Variants in PFN2 observed in about 807,000 individuals in gnomAD.
PFN2 encodes profilin-2.
In PFN2, 8 loss-of-function variants were observed where a neutral mutation model predicts 15.3. That is an observed-to-expected ratio of 0.52 (90% CI 0.31 to 0.95). PFN2 has a LOEUF of 0.95. Among genes scored for constraint, PFN2 ranks in the 40% least tolerant of loss-of-function variants. The pLI is 0.05. For synonymous variants in PFN2, 79 were observed against 67.9 expected (o/e 1.16, Z -0.81); for missense variants, 111 against 182.3 (o/e 0.61, Z 2.25).
chr3:149,968,944 T>C, intron 1 of PFN2: 1 of 184,282 alleles, frequency 5.4e-6, no homozygotes, highest in Non-Finnish European at 1.1e-5. Context: ...TGAACAAAGC[T>C]GGTCTATCAT....
rs553217598 is a variant in PFN2, at chr3:149,965,422, A to G, written c.*1067T>C. 2.0e-4 allele frequency: 293 copies of G among 1,445,654 alleles called. 1 individual carries two copies. In the South Asian group the frequency reaches 4.3e-3, roughly 21 times the overall value. The allele number at this position is 1,445,654 out of a possible 1,614,324, so 89.6% of individuals were successfully genotyped here. A position where few individuals can be genotyped will look rare whatever the true frequency, so the allele number is the denominator to read the frequency against. On this transcript the variant is annotated 3_prime_UTR_variant, in exon 3 of 3. Coordinates refer to ENST00000239940, the MANE Select transcript of PFN2 (RefSeq NM_053024.4). The stretch of plus-strand genomic sequence containing the variant: ...GGTGTGCAAAGAAAAAGGAAGAAAA[A>G]TCTGAGCTATTGCAATGATGGAATG...
In PFN2 at chr3:149,965,753, C is replaced by G. The variant is rs1722667785; in HGVS notation, c.*736G>C. ...GAAGAGTGAAGGAATGATGCATGCA[C>G]TTTTTCCTCCCAACCATGCGCTACA... On this transcript the variant is annotated 3_prime_UTR_variant, in exon 3 of 3. Transcript: ENST00000239940. 6.7e-6 allele frequency: 7 copies of G among 1,045,198 alleles called. No individual in the cohort carries two copies. In the South Asian group the frequency reaches 2.0e-4, roughly 30 times the overall value. 64.7% of individuals were successfully genotyped at this position (1,045,198 alleles called of 1,614,324 possible). A position where few individuals can be genotyped will look rare whatever the true frequency, so the allele number is the denominator to read the frequency against.
At chr3:149,968,315 G>A (rs777464740) in intron 2 of PFN2, 43 bp downstream of exon 2, 48 of 1,534,842 alleles carry the variant, frequency 3.1e-5, no homozygotes, top group Admixed American at 5.1e-5. Context: ...TTAATAAGTT[G>A]TAATGTGGCA....
In PFN2 at chr3:149,965,839, T is replaced by C. The variant is rs535371397; in HGVS notation, c.*650A>G. 1 of 1,126,288 alleles carries C rather than the reference T, an allele frequency of 8.9e-7. No homozygotes were observed. The highest frequency in any genetic ancestry group is 1.1e-6 in the Non-Finnish European group (1 of 918,808). 69.8% of individuals were successfully genotyped at this position (1,126,288 alleles called of 1,614,324 possible). A position where few individuals can be genotyped will look rare whatever the true frequency, so the allele number is the denominator to read the frequency against. Reference sequence around the variant, plus strand: ...GTGCTGAAAAGACACTGATCAGAGATTGTACAACCGGCACCTTGCTTAATA... The same window carrying C: ...GTGCTGAAAAGACACTGATCAGAGACTGTACAACCGGCACCTTGCTTAATA... On this transcript the variant is annotated 3_prime_UTR_variant, in exon 3 of 3. Coordinates refer to ENST00000239940, the MANE Select transcript of PFN2 (RefSeq NM_053024.4).
intron 1 of PFN2, among the ~76,000 whole-genome samples, chr3:149,969,660 G>C (rs1477629507): frequency 6.6e-6 from 1 of 152,192 alleles, no homozygotes; most frequent in South Asian, 2.1e-4. Flanking sequence ...AATGGAAAGG[G>C]AGCGTGGTGC....
At chr3:149,968,273 T>C in intron 2 of PFN2, 85 bp downstream of exon 2, 3 of 1,276,426 alleles carry the variant, frequency 2.4e-6, no homozygotes, top group Non-Finnish European at 3.4e-6. Context: ...CATTATGGAC[T>C]AACTTTTATT....
In PFN2 at chr3:149,966,464, T is replaced by C; in HGVS notation, c.*25A>G. ...GGAAAGTTTAAGAGCAATTTTCCCC[T>C]AATACTTAACAGTCTGCCTAGCAGC... On this transcript the variant is annotated 3_prime_UTR_variant, in exon 3 of 3. Coordinates refer to ENST00000239940, the MANE Select transcript of PFN2 (RefSeq NM_053024.4). 4 of 1,606,022 alleles carry C rather than the reference T, an allele frequency of 2.5e-6. No homozygotes were observed. The highest frequency in any genetic ancestry group is 3.4e-6 in the Non-Finnish European group (4 of 1,177,636).
At position 149,966,431 on chromosome 3, in the gene PFN2, T is replaced by TA. The variant is rs1365188418; in HGVS notation, c.*57dup. On this transcript the variant is annotated 3_prime_UTR_variant, in exon 3 of 3. Transcript: ENST00000239940. ...AATTTCCAGAATTAAGACTTAAGCT[T>TA]ATAGCTAGGAAAGTTTAAGAGCAAT... 1.9e-5 allele frequency: 31 copies of TA among 1,604,698 alleles called. No homozygotes were observed. The highest frequency in any genetic ancestry group is 2.5e-5 in the Non-Finnish European group (29 of 1,177,138).
At position 149,966,128 on chromosome 3, in the gene PFN2, T is replaced by C. The variant is rs115449265; in HGVS notation, c.*361A>G. ...AGCATTGTGACCATAATTAGGGTTGTTGATGAAGACAGTTGCTAGGTAGAT... is the reference window on the plus strand; with the variant it reads ...AGCATTGTGACCATAATTAGGGTTGCTGATGAAGACAGTTGCTAGGTAGAT... On this transcript the variant is annotated 3_prime_UTR_variant, in exon 3 of 3. Coordinates refer to ENST00000239940, the MANE Select transcript of PFN2 (RefSeq NM_053024.4). 4,384 of 1,599,210 alleles carry C rather than the reference T, an allele frequency of 2.7e-3. 101 individuals carry two copies. In the African/African-American group the frequency reaches 0.052, roughly 19 times the overall value.
chr3:149,965,452 TG>T lies in PFN2; in HGVS notation c.*1036del. 1 of 1,440,216 alleles carries T rather than the reference TG, an allele frequency of 6.9e-7. No homozygotes were observed. The highest frequency in any genetic ancestry group is 9.0e-7 in the Non-Finnish European group (1 of 1,105,204). 89.2% of individuals were successfully genotyped at this position (1,440,216 alleles called of 1,614,324 possible). On this transcript the variant is annotated 3_prime_UTR_variant, in exon 3 of 3. Transcript: ENST00000239940. Reference sequence around the variant, plus strand: ...AGCTATTGCAATGATGGAATGTCCCTGGGGATTCAATCAGTATGGTTACTGT... The same window carrying T: ...AGCTATTGCAATGATGGAATGTCCCTGGGATTCAATCAGTATGGTTACTGT...
rs376406214 is a variant in PFN2, at chr3:149,968,568, GA to G, written c.133-19del. 457 of 1,155,080 alleles carry G rather than the reference GA, an allele frequency of 4.0e-4. No individual in the cohort carries two copies. Among genetic ancestry groups the G allele is most frequent in the East Asian group, 9.9e-4 (31 of 31,340 alleles). 71.6% of individuals were successfully genotyped at this position (1,155,080 alleles called of 1,614,324 possible). A position where few individuals can be genotyped will look rare whatever the true frequency, so the allele number is the denominator to read the frequency against. On this transcript the variant is annotated intron_variant, in intron 1 of 2. Transcript: ENST00000239940. ...TCTATTGGCTGCCCCCCACCAAAAA[GA>G]AAAAAAAAAAACACACACACATTAA...
chr3:149,966,066 T>C lies in PFN2; in HGVS notation c.*423A>G, dbSNP rs1240654038. The C allele has an allele frequency of 8.5e-6, 13 of 1,524,356 alleles. No homozygotes were observed. The highest frequency in any genetic ancestry group is 2.2e-5 in the Admixed American group (1 of 45,766). 94.4% of individuals were successfully genotyped at this position (1,524,356 alleles called of 1,614,324 possible). A position where few individuals can be genotyped will look rare whatever the true frequency, so the allele number is the denominator to read the frequency against. On this transcript the variant is annotated 3_prime_UTR_variant, in exon 3 of 3. Transcript: ENST00000239940. The stretch of plus-strand genomic sequence containing the variant: ...AAACAGGAATCATGACATTAGAAAA[T>C]AGGTAAAGAAAAATTAGCTACCATC...
Position 149,965,153 on chromosome 3 carries a change from G to T in PFN2, c.*1336C>A. ...GCCATTCGAAAGAAACCCTTAATAG[G>T]TCAGTTAAAATCCATCTCACAATAG... On this transcript the variant is annotated 3_prime_UTR_variant, in exon 3 of 3. Coordinates refer to ENST00000239940, the MANE Select transcript of PFN2 (RefSeq NM_053024.4). 8.0e-7 allele frequency: 1 copy of T among 1,247,474 alleles called. No individual in the cohort carries two copies. The highest frequency in any genetic ancestry group is 1.1e-6 in the Non-Finnish European group (1 of 915,582). The allele number at this position is 1,247,474 out of a possible 1,614,324, so 77.3% of individuals were successfully genotyped here.
Position 149,970,859 on chromosome 3 carries a change from T to C in PFN2, c.-3A>G. 1 of 1,461,756 alleles carries C rather than the reference T, an allele frequency of 6.8e-7. No homozygotes were observed. The highest frequency in any genetic ancestry group is 9.1e-7 in the Non-Finnish European group (1 of 1,097,592). 90.5% of individuals were successfully genotyped at this position (1,461,756 alleles called of 1,614,324 possible). ...ACGTAGCTCTGCCAACCGGCCATCT[T>C]CGAGCCCTTCGCACTGCAGCGCGGA... is the stretch of plus-strand genomic sequence containing the variant. On this transcript the variant is annotated 5_prime_UTR_variant, in exon 1 of 3. Transcript: ENST00000239940.
chr3:149,967,346 TCAGCGTATAGTG>T (rs1722720440), intron 2 of PFN2, among the ~76,000 whole-genome samples: 2 of 152,250 alleles, frequency 1.3e-5, no homozygotes, highest in African/African-American at 4.8e-5. Flanking sequence ...ACGCTTCTTT[TCAGCGTATAGTG>T]CAGCTAAGGT....
At position 149,965,892 on chromosome 3, in the gene PFN2, A is replaced by G. The variant is rs958377020; in HGVS notation, c.*597T>C. ...AACTTATTTTAGTAATCAATATCCC[A>G]TTAATTGCTAAGACAAAGTGATGCC... is the stretch of plus-strand genomic sequence containing the variant. On this transcript the variant is annotated 3_prime_UTR_variant, in exon 3 of 3. Transcript: ENST00000239940. The G allele has an allele frequency of 7.9e-7, 1 of 1,261,994 alleles. No individual in the cohort carries two copies. Among genetic ancestry groups the G allele is most frequent in the African/African-American group, 1.5e-5 (1 of 65,404 alleles). The allele number at this position is 1,261,994 out of a possible 1,614,324, so 78.2% of individuals were successfully genotyped here.
At chr3:149,967,981 GAA>G (rs1559986314) in intron 2 of PFN2, 2 of 163,546 alleles carry the variant, frequency 1.2e-5, no homozygotes, top group Admixed American at 6.4e-5. Context: ...AGAAAAAAAA[GAA>G]AAGAGATCCA....
rs1265643999 is a variant in PFN2, at chr3:149,965,107, C to T, written c.*1382G>A. ...AAGGCCCAAACAATAGAAGCAAATA[C>T]TAGAATGTCCCTAAAGTAGTGCCAT... On this transcript the variant is annotated 3_prime_UTR_variant, in exon 3 of 3. Coordinates refer to ENST00000239940, the MANE Select transcript of PFN2 (RefSeq NM_053024.4). The T allele has an allele frequency of 2.7e-6, 2 of 752,696 alleles. No individual in the cohort carries two copies. Among genetic ancestry groups the T allele is most frequent in the Non-Finnish European group, 4.1e-6 (2 of 488,530 alleles). The allele number at this position is 752,696 out of a possible 1,614,324, so 46.6% of individuals were successfully genotyped here.
chr3:149,968,568 G>GA lies in PFN2; in HGVS notation c.133-19dup, dbSNP rs376406214. Reference sequence around the variant, plus strand: ...TCTATTGGCTGCCCCCCACCAAAAAGAAAAAAAAAAAACACACACACATTA... The same window carrying GA: ...TCTATTGGCTGCCCCCCACCAAAAAGAAAAAAAAAAAAACACACACACATTA... On this transcript the variant is annotated intron_variant, in intron 1 of 2. Coordinates refer to ENST00000239940, the MANE Select transcript of PFN2 (RefSeq NM_053024.4). 881 of 1,149,768 alleles carry GA rather than the reference G, an allele frequency of 7.7e-4. No individual in the cohort carries two copies. The highest frequency in any genetic ancestry group is 5.1e-3 in the Admixed American group (108 of 21,122). 71.2% of individuals were successfully genotyped at this position (1,149,768 alleles called of 1,614,324 possible). A position where few individuals can be genotyped will look rare whatever the true frequency, so the allele number is the denominator to read the frequency against.
Sources: allele counts gnomAD v4.1 joint callset (sites outside exome capture counted in the v4.1 genomes callset), GRCh38; gene constraint gnomAD v4.1.1; transcripts MANE v1.5; gene names NCBI Gene and HGNC (gene_info 2026-07-23, HGNC 2026-07-21).